Variants in TAOK1 observed in about 807,000 individuals in gnomAD.
The protein encoded by TAOK1 is serine/threonine-protein kinase TAO1.
TAOK1 carries 21 observed loss-of-function variants against 138.3 expected under a neutral mutation model. The ratio of observed to expected loss-of-function variants is 0.15; its 90% CI spans 0.11 to 0.22. The LOEUF (loss-of-function observed/expected upper bound fraction) is 0.22. TAOK1 is among the 10% of genes least tolerant of loss of function. TAOK1 has a pLI of 1.00. For synonymous variants in TAOK1, 361 were observed against 398.4 expected (o/e 0.91, Z 1.12); for missense variants, 651 against 1,227.7 (o/e 0.53, Z 7.02).
At chr17:29,397,867 T>A (rs1289105537) in intron 1 of TAOK1, among the ~76,000 whole-genome samples, 1 of 151,724 alleles carries the variant, frequency 6.6e-6, no homozygotes, top group Non-Finnish European at 1.5e-5. Context: ...CACCATTTAC[T>A]AGTGTAAATG....
At chr17:29,523,626 T>A (rs910587262) in intron 17 of TAOK1, among the ~76,000 whole-genome samples, 3 of 152,214 alleles carry the variant, frequency 2.0e-5, no homozygotes, top group African/African-American at 7.2e-5. Context: ...GACCTCGTGA[T>A]CCACCCGCCT....
intron 2 of TAOK1, among the ~76,000 whole-genome samples, chr17:29,452,794 A>G (rs2095388448): frequency 1.3e-5 from 2 of 152,236 alleles, no homozygotes; most frequent in Admixed American, 1.3e-4. Flanking sequence ...CTTCATCCAT[A>G]TTGCAGTATC....
intron 1 of TAOK1, among the ~76,000 whole-genome samples, chr17:29,399,769 C>T (rs892634144): frequency 6.6e-6 from 1 of 151,718 alleles, no homozygotes; most frequent in South Asian, 2.1e-4. Context: ...CTCGCTCTGT[C>T]ACTCAGGCTG....
rs959483109 is a variant in TAOK1, at chr17:29,502,544, A to G, written c.1204-45A>G. On this transcript the variant is annotated intron_variant, in intron 12 of 19. Coordinates refer to ENST00000261716, the MANE Select transcript of TAOK1 (RefSeq NM_020791.4). ...CTTTAATTTCCATAAAGATTCAAAC[A>G]AACTGTTCACCTTACATAATATTGT... The G allele has an allele frequency of 2.6e-6, 4 of 1,564,432 alleles. No homozygotes were observed. The African/African-American group carries it at 5.5e-5, about 22-fold the overall frequency.
At chr17:29,495,889 T>C (rs896381394) in intron 11 of TAOK1, among the ~76,000 whole-genome samples, 162 bp downstream of exon 11, 1 of 152,150 alleles carries the variant, frequency 6.6e-6, no homozygotes, top group Non-Finnish European at 1.5e-5. Context: ...AAAAAGGTCC[T>C]TTTTTCTTGG....
chr17:29,409,573 TC>T (rs1905092146), intron 1 of TAOK1, among the ~76,000 whole-genome samples: 1 of 151,750 alleles, frequency 6.6e-6, no homozygotes, highest in Non-Finnish European at 1.5e-5. Context: ...GACCTTGTGA[TC>T]CCCCCGCCTC....
rs757432008 is a variant in TAOK1 at position 29,453,984 on chromosome 17, C to CT, written c.132+2318dup. On this transcript the variant is annotated intron_variant, in intron 2 of 19. Transcript: ENST00000261716. Reference sequence around the variant, plus strand: ...CCACCAGGCCCAGCTAATTTTTTTGCTTTTTTTTTTTTTTGGAAATGGGGT... The same window carrying CT: ...CCACCAGGCCCAGCTAATTTTTTTGCTTTTTTTTTTTTTTTGGAAATGGGGT... 2.3e-3 allele frequency among the ~76,000 whole-genome samples: 290 copies of CT among 125,446 alleles called. 1 individual carries two copies. The highest frequency in any genetic ancestry group is 8.1e-3 in the East Asian group (35 of 4,310). The allele number at this position is 125,446 out of a possible 152,430, so 82.3% of individuals were successfully genotyped here.
chr17:29,515,498 G>C (rs1299920987), intron 15 of TAOK1, among the ~76,000 whole-genome samples: 2 of 152,096 alleles, frequency 1.3e-5, no homozygotes, highest in African/African-American at 4.8e-5. Context: ...ATGTTTTCTG[G>C]TGTACATATC....
intron 2 of TAOK1, among the ~76,000 whole-genome samples, chr17:29,462,808 T>A (rs1289978578): frequency 6.6e-6 from 1 of 152,244 alleles, no homozygotes; most frequent in African/African-American, 2.4e-5. Context: ...TGTGTGTATT[T>A]TCTTTTTCCT....
intron 19 of TAOK1, among the ~76,000 whole-genome samples, chr17:29,536,395 C>T (rs919629936): frequency 2.6e-5 from 4 of 151,884 alleles, no homozygotes; most frequent in African/African-American, 2.4e-5. Context: ...CAGGGGAGAT[C>T]GAAACCATCC....
chr17:29,409,484 G>A (rs980720020), intron 1 of TAOK1, among the ~76,000 whole-genome samples: 17 of 151,200 alleles, frequency 1.1e-4, no homozygotes, highest in Non-Finnish European at 2.1e-4. Flanking sequence ...ACAGGCGTCC[G>A]CACCATATCT....
chr17:29,424,436 CAAAAAA>C (rs781589064), intron 1 of TAOK1, among the ~76,000 whole-genome samples: 3 of 72,008 alleles, frequency 4.2e-5, no homozygotes, highest in Non-Finnish European at 8.0e-5. Flanking sequence ...GACTCCCTCT[CAAAAAA>C]AAAAAAAAAA....
At chr17:29,443,097 A>C (rs765241052) in intron 1 of TAOK1, among the ~76,000 whole-genome samples, 50 of 152,174 alleles carry the variant, frequency 3.3e-4, no homozygotes, top group Non-Finnish European at 6.3e-4. Context: ...CTCTAAAGGG[A>C]CTGCACATTT....
intron 1 of TAOK1, among the ~76,000 whole-genome samples, chr17:29,432,322 G>A (rs1164295714): frequency 6.6e-6 from 1 of 152,254 alleles, no homozygotes; most frequent in African/African-American, 2.4e-5. Flanking sequence ...TCATGGTATT[G>A]TTTGTGGCTT....
intron 8 of TAOK1, among the ~76,000 whole-genome samples, chr17:29,488,972 C>A (rs1003347770): frequency 6.6e-6 from 1 of 152,064 alleles, no homozygotes; most frequent in Non-Finnish European, 1.5e-5. Flanking sequence ...TGAAGATTAA[C>A]AATACTCAAA....
At chr17:29,482,892 T>C (rs2031092816) in intron 8 of TAOK1, among the ~76,000 whole-genome samples, 1 of 152,114 alleles carries the variant, frequency 6.6e-6, no homozygotes, top group South Asian at 2.1e-4. Context: ...GCACACATTT[T>C]GTTAAGTTGT....
intron 13 of TAOK1, among the ~76,000 whole-genome samples, chr17:29,504,767 A>C (rs553808422): frequency 3.3e-4 from 50 of 152,334 alleles, no homozygotes; most frequent in Non-Finnish European, 6.3e-4. Flanking sequence ...CAGATGTTGT[A>C]AATCCTATGC....
chr17:29,405,502 G>C (rs565173391), intron 1 of TAOK1, among the ~76,000 whole-genome samples: 1 of 152,302 alleles, frequency 6.6e-6, no homozygotes, highest in African/African-American at 2.4e-5. Context: ...GTTTAGGCCA[G>C]GAGTGGTGGC....
chr17:29,533,098 G>A (rs1244803421), intron 18 of TAOK1, among the ~76,000 whole-genome samples: 2 of 144,070 alleles, frequency 1.4e-5, no homozygotes, highest in Non-Finnish European at 1.5e-5. Flanking sequence ...GCTGCCGGGC[G>A]GAGGGGCTTC....
Sources: allele counts gnomAD v4.1 joint callset (sites outside exome capture counted in the v4.1 genomes callset), GRCh38; gene constraint gnomAD v4.1.1; transcripts MANE v1.5; gene names NCBI Gene and HGNC (gene_info 2026-07-23, HGNC 2026-07-21).